The following SLC25A13 variants were observed in gnomAD, a reference collection of about 807,000 sequenced individuals.
The protein encoded by SLC25A13 is solute carrier family 25 member 13, also known as electrogenic aspartate/glutamate antiporter SLC25A13, mitochondrial.
A neutral mutation model predicts 85.5 loss-of-function variants in SLC25A13; 70 were observed. The observed-to-expected ratio is 0.82, with a 90% CI of 0.68 to 1.00. SLC25A13 has a LOEUF of 1.00. Ranked by LOEUF, SLC25A13 falls within the 50% of genes least tolerant of loss-of-function variation. The pLI is 0.00. For synonymous variants in SLC25A13, 259 were observed against 288.7 expected (o/e 0.90, Z 1.04); for missense variants, 765 against 819.8 (o/e 0.93, Z 0.82).
At chr7:96,189,235 A>G in intron 9 of SLC25A13, 59 bp downstream of exon 9, 4 of 1,460,770 alleles carry the variant, frequency 2.7e-6, no homozygotes, top group East Asian at 2.3e-5. Flanking sequence ...CAAGTGGAAC[A>G]GGGTTGGGGT....
chr7:96,290,597 G>GAA (rs756252652), intron 2 of SLC25A13, among the ~76,000 whole-genome samples: 28 of 96,452 alleles, frequency 2.9e-4, no homozygotes, highest in Middle Eastern at 6.0e-3. Context: ...CAAGCAAATG[G>GAA]AAAAAAAAAA....
At position 96,121,962 on chromosome 7, in the gene SLC25A13, C is replaced by T; in HGVS notation, c.1627G>A (p.Val543Ile). ...GCCACCTGTAATCTCGTCTTGATAACATCAGCAGGGGTCACTAAAGATGCT... is the reference window on the plus strand; with the variant it reads ...GCCACCTGTAATCTCGTCTTGATAATATCAGCAGGGGTCACTAAAGATGCT... ...PAASLVTPADVIKTRLQVAAR... is the reference protein window; with the variant it reads ...PAASLVTPADIIKTRLQVAAR... The change falls in exon 16 of 18, where the codon GTT (valine) becomes ATT (isoleucine). Residue 543 changes from valine to isoleucine, a missense_variant. Val to Ile is a conservative substitution (Grantham distance 29). Coordinates refer to ENST00000265631, the MANE Select transcript of SLC25A13 (RefSeq NM_014251.3). The T allele has an allele frequency of 6.2e-7, 1 of 1,614,180 alleles. No homozygotes were observed.
chr7:96,257,522 T>C (rs1332723825), intron 3 of SLC25A13, among the ~76,000 whole-genome samples: 9 of 152,152 alleles, frequency 5.9e-5, no homozygotes, highest in South Asian at 2.1e-4. Flanking sequence ...TAGGAAGAAG[T>C]TGAATCCCTG....
At chr7:96,161,439 C>T (rs969510303) in intron 13 of SLC25A13, among the ~76,000 whole-genome samples, 1 of 152,190 alleles carries the variant, frequency 6.6e-6, no homozygotes, top group Non-Finnish European at 1.5e-5. Context: ...CACTACCCTT[C>T]CTTTCCAAAT....
chr7:96,286,504 A>C (rs1798891563), intron 2 of SLC25A13, among the ~76,000 whole-genome samples: 1 of 151,872 alleles, frequency 6.6e-6, no homozygotes, highest in Non-Finnish European at 1.5e-5. Flanking sequence ...TTCTCTACCT[A>C]CTCATCTTCG....
intron 4 of SLC25A13, among the ~76,000 whole-genome samples, chr7:96,231,726 A>C (rs1372643620): frequency 4.6e-5 from 7 of 151,786 alleles, no homozygotes; most frequent in Non-Finnish European, 1.0e-4. Flanking sequence ...TCTGTCTCAA[A>C]AAAAAAAAAG....
In SLC25A13 at chr7:96,120,342, G is replaced by A; in HGVS notation, c.*849C>T. The A allele has an allele frequency of 2.2e-6, 1 of 454,080 alleles. No individual in the cohort carries two copies. The allele number at this position is 454,080 out of a possible 1,614,324, so 28.1% of individuals were successfully genotyped here. Reference sequence around the variant, plus strand: ...TGTCTTACATTATTCAAGATAAAGTGGATTTTAAAAGCAAGTGGGTACCAA... The same window carrying A: ...TGTCTTACATTATTCAAGATAAAGTAGATTTTAAAAGCAAGTGGGTACCAA... On this transcript the variant is annotated 3_prime_UTR_variant, in exon 18 of 18. Transcript: ENST00000265631.
At chr7:96,161,377 C>T (rs1793501696) in intron 13 of SLC25A13, among the ~76,000 whole-genome samples, 1 of 152,152 alleles carries the variant, frequency 6.6e-6, no homozygotes, top group East Asian at 1.9e-4. Context: ...GGAGTTAATT[C>T]CTCTTTGCTG....
intron 5 of SLC25A13, among the ~76,000 whole-genome samples, chr7:96,199,169 T>C (rs1795166505): frequency 6.6e-6 from 1 of 152,170 alleles, no homozygotes; most frequent in Non-Finnish European, 1.5e-5. Context: ...GAGGTAAGAA[T>C]GAGCCAAGGG....
At chr7:96,320,222 G>T (rs1229690839) in intron 1 of SLC25A13, among the ~76,000 whole-genome samples, 2 of 152,132 alleles carry the variant, frequency 1.3e-5, no homozygotes, top group African/African-American at 4.8e-5. Flanking sequence ...GGCCAGGCTG[G>T]TCTCGAACTC....
At chr7:96,143,254 T>A (rs1300529789) in intron 14 of SLC25A13, among the ~76,000 whole-genome samples, 1 of 152,212 alleles carries the variant, frequency 6.6e-6, no homozygotes, top group Non-Finnish European at 1.5e-5. Context: ...GTATAATTTG[T>A]CCCCTCATTA....
chr7:96,243,322 A>G lies in SLC25A13; in HGVS notation c.213-8405T>C, dbSNP rs377487036. On this transcript the variant is annotated intron_variant, in intron 3 of 17. Transcript: ENST00000265631. ...ATGTGTACCCTGTTCCTATTATATG[A>G]TAAGCCATGCCCCAGGCACTAAGGA... is the stretch of plus-strand genomic sequence containing the variant. Among the ~76,000 whole-genome samples, 266 of 152,296 alleles carry G rather than the reference A, an allele frequency of 1.7e-3. 1 individual carries two copies. The Middle Eastern group carries it at 0.027, about 16-fold the overall frequency.
Position 96,120,744 on chromosome 7 carries a change from T to A in SLC25A13, c.*447A>T. The A allele has an allele frequency of 2.2e-6, 1 of 454,214 alleles. No homozygotes were observed. Among genetic ancestry groups the A allele is most frequent in the South Asian group, 1.6e-5 (1 of 64,172 alleles). 28.1% of individuals were successfully genotyped at this position (454,214 alleles called of 1,614,324 possible). On this transcript the variant is annotated 3_prime_UTR_variant, in exon 18 of 18. Coordinates refer to ENST00000265631, the MANE Select transcript of SLC25A13 (RefSeq NM_014251.3). The stretch of plus-strand genomic sequence containing the variant: ...CTGAATATATTTGATATATATTTTT[T>A]CATTTCTCCCAGTGTTTTTTATTTT...
chr7:96,312,183 C>A (rs1467239938), intron 1 of SLC25A13, among the ~76,000 whole-genome samples: 7 of 152,180 alleles, frequency 4.6e-5, no homozygotes, highest in Non-Finnish European at 1.0e-4. Flanking sequence ...GTGTTGAAAT[C>A]ATAGCTCTCC....
chr7:96,290,447 G>A (rs1799073158), intron 2 of SLC25A13, among the ~76,000 whole-genome samples: 1 of 152,034 alleles, frequency 6.6e-6, no homozygotes. Flanking sequence ...AATGTAAATG[G>A]GCTAAATGCT....
intron 3 of SLC25A13, among the ~76,000 whole-genome samples, chr7:96,275,743 G>A (rs570200104): frequency 1.5e-4 from 23 of 152,172 alleles, no homozygotes; most frequent in Middle Eastern, 3.4e-3. Context: ...TTGTGGGGTC[G>A]GGGGAGTGGG....
At chr7:96,194,439 T>A (rs1794978613) in intron 5 of SLC25A13, among the ~76,000 whole-genome samples, 1 of 900 alleles carries the variant, frequency 1.1e-3, no homozygotes, top group Non-Finnish European at 0.016. Flanking sequence ...TGAAACCTTG[T>A]CTCAAAAAAA....
At position 96,120,588 on chromosome 7, in the gene SLC25A13, T is replaced by A. The variant is rs767379676; in HGVS notation, c.*603A>T. The A allele has an allele frequency of 2.9e-4, 133 of 454,562 alleles. 6 individuals carry two copies. Among genetic ancestry groups the A allele is most frequent in the South Asian group, 2.0e-3 (132 of 64,478 alleles). 28.2% of individuals were successfully genotyped at this position (454,562 alleles called of 1,614,324 possible). ...TACAAAGGCATTTCCCTAGTAGTCTTGGTACCAGTAACAATATGATTACTA... is the reference window on the plus strand; with the variant it reads ...TACAAAGGCATTTCCCTAGTAGTCTAGGTACCAGTAACAATATGATTACTA... On this transcript the variant is annotated 3_prime_UTR_variant, in exon 18 of 18. Transcript: ENST00000265631.
intron 5 of SLC25A13, among the ~76,000 whole-genome samples, chr7:96,203,114 C>T (rs1449223630): frequency 6.6e-6 from 1 of 152,216 alleles, no homozygotes; most frequent in Admixed American, 6.5e-5. Flanking sequence ...CCTTCTGAAG[C>T]ACAAATCTTA....
Sources: allele counts gnomAD v4.1 joint callset (sites outside exome capture counted in the v4.1 genomes callset), GRCh38; gene constraint gnomAD v4.1.1; transcripts MANE v1.5; gene names NCBI Gene and HGNC (gene_info 2026-07-23, HGNC 2026-07-21).